The following DRICH1 variants were observed in gnomAD, a reference collection of about 807,000 sequenced individuals.
The protein encoded by DRICH1 is aspartate-rich protein 1.
Under a neutral mutation model 39.5 loss-of-function variants are expected in DRICH1, and 38 were observed. That is an observed-to-expected ratio of 0.96 (90% CI 0.74 to 1.26). The LOEUF (loss-of-function observed/expected upper bound fraction) is 1.26, where lower values mean the gene tolerates loss of function less well. Ranked by LOEUF, DRICH1 falls within the 50% of genes most tolerant of loss-of-function variation. The pLI is 0.00. For synonymous variants in DRICH1, 84 were observed against 99.5 expected (o/e 0.84, Z 0.93); for missense variants, 279 against 270.4 (o/e 1.03, Z -0.22).
the DRICH1 span, among the ~76,000 whole-genome samples, chr22:23,598,922 T>C: frequency 6.6e-6 from 1 of 152,174 alleles, no homozygotes; most frequent in Admixed American, 6.5e-5. Flanking sequence ...TGAGAGGCTC[T>C]GGCCTGAAAG....
At chr22:23,610,595 A>C (rs1470667743) in intron 11 of DRICH1, 1 of 152,008 alleles carries the variant, frequency 6.6e-6, no homozygotes, top group Non-Finnish European at 1.5e-5. Context: ...GCCCGCGGGG[A>C]CTCGTGGTCT....
the DRICH1 span, among the ~76,000 whole-genome samples, chr22:23,585,294 C>T: frequency 6.6e-6 from 1 of 152,236 alleles, no homozygotes; most frequent in Non-Finnish European, 1.5e-5. Flanking sequence ...CATGCCACCA[C>T]ACCTGGCTAA....
chr22:23,613,226 G>T, intron 11 of DRICH1, 63 bp downstream of exon 11: 2 of 1,256,524 alleles, frequency 1.6e-6, no homozygotes, highest in South Asian at 1.2e-5. Flanking sequence ...AAGCAACAGG[G>T]ATAACCTGGA....
chr22:23,616,226 G>C (rs1354593907), intron 8 of DRICH1, among the ~76,000 whole-genome samples: 1 of 152,190 alleles, frequency 6.6e-6, no homozygotes, highest in Non-Finnish European at 1.5e-5. Flanking sequence ...GCCTGTGACA[G>C]AACTCTGTCC....
At chr22:23,611,008 C>T (rs976784595) in intron 11 of DRICH1, among the ~76,000 whole-genome samples, 3 of 151,784 alleles carry the variant, frequency 2.0e-5, no homozygotes, top group Non-Finnish European at 4.4e-5. Flanking sequence ...ACTCATATAA[C>T]CTGTCAGTAA....
At chr22:23,628,728 G>C (rs892957172) in intron 1 of DRICH1, among the ~76,000 whole-genome samples, 1 of 152,200 alleles carries the variant, frequency 6.6e-6, no homozygotes, top group African/African-American at 2.4e-5. Flanking sequence ...GTCTGTGTCT[G>C]TCCTGACCCT....
At chr22:23,608,152 G>T, downstream of DRICH1, 1 of 153,988 alleles carries the variant, frequency 6.5e-6, no homozygotes, top group South Asian at 1.8e-4. Flanking sequence ...GGCCTGCCGA[G>T]AAGTAGGTGG....
chr22:23,620,051 TTAAATAA>T (rs780699991), intron 5 of DRICH1, among the ~76,000 whole-genome samples: 3 of 151,888 alleles, frequency 2.0e-5, no homozygotes, highest in Non-Finnish European at 4.4e-5. Flanking sequence ...AAAATAAACT[TTAAATAA>T]TAAAGCAAGA....
chr22:23,593,399 C>T, the DRICH1 span, among the ~76,000 whole-genome samples: 1 of 152,186 alleles, frequency 6.6e-6, no homozygotes, highest in Non-Finnish European at 1.5e-5. Flanking sequence ...TGCGGTGGCT[C>T]ATGCCTGTAA....
chr22:23,587,162 G>A, the DRICH1 span, among the ~76,000 whole-genome samples: 2 of 152,224 alleles, frequency 1.3e-5, no homozygotes, highest in South Asian at 2.1e-4. Flanking sequence ...GCAGTATCTG[G>A]GGCTGGGATA....
chr22:23,588,497 A>G, the DRICH1 span, among the ~76,000 whole-genome samples: 2 of 152,238 alleles, frequency 1.3e-5, no homozygotes, highest in Non-Finnish European at 2.9e-5. Flanking sequence ...AGAGAAGTGT[A>G]TTCAGAATCT....
the DRICH1 span, among the ~76,000 whole-genome samples, chr22:23,582,555 C>CTTATTATTATTATTATTAA: frequency 7.0e-6 from 1 of 143,872 alleles, no homozygotes; most frequent in Non-Finnish European, 1.5e-5. Flanking sequence ...CCTTCAGGGG[C>CTTATTATTATTATTATTAA]TTATTATTAT....
the DRICH1 span, among the ~76,000 whole-genome samples, chr22:23,591,876 C>A: frequency 6.6e-6 from 1 of 152,198 alleles, no homozygotes; most frequent in African/African-American, 2.4e-5. Context: ...CCAAATTTGG[C>A]CTTCTTCCCT....
At chr22:23,615,605 C>T (rs1019666663) in intron 8 of DRICH1, among the ~76,000 whole-genome samples, 1 of 152,186 alleles carries the variant, frequency 6.6e-6, no homozygotes, top group African/African-American at 2.4e-5. Context: ...TACAGACTCA[C>T]AAGAACTGCT....
the DRICH1 span, among the ~76,000 whole-genome samples, chr22:23,594,326 T>C: frequency 6.6e-6 from 1 of 152,182 alleles, no homozygotes; most frequent in Non-Finnish European, 1.5e-5. Flanking sequence ...CAAAGCACTT[T>C]GGGAGACCAA....
chr22:23,620,268 T>G (rs1927641788), intron 5 of DRICH1, among the ~76,000 whole-genome samples: 1 of 152,152 alleles, frequency 6.6e-6, no homozygotes, highest in African/African-American at 2.4e-5. Context: ...CCTCAAGTCT[T>G]GTTGCCCACC....
chr22:23,625,898 A>C, intron 2 of DRICH1, 83 bp downstream of exon 2: 1 of 1,109,038 alleles, frequency 9.0e-7, no homozygotes, highest in Non-Finnish European at 1.4e-6. Flanking sequence ...CTCTGAGTCC[A>C]TTCTTTGGGT....
intron 4 of DRICH1, 48 bp downstream of exon 4, chr22:23,622,043 C>T (rs1282186763): frequency 6.3e-7 from 1 of 1,593,542 alleles, no homozygotes; most frequent in African/African-American, 1.3e-5. Flanking sequence ...TTGTTTCTCA[C>T]ATCAGAAAAC....
chr22:23,617,925 C>G (rs551572815), intron 6 of DRICH1, among the ~76,000 whole-genome samples: 111 of 152,246 alleles, frequency 7.3e-4, no homozygotes, highest in African/African-American at 2.5e-3. Flanking sequence ...GCCTTCCTCC[C>G]TCTCAAATGT....
Sources: allele counts gnomAD v4.1 joint callset (sites outside exome capture counted in the v4.1 genomes callset), GRCh38; gene constraint gnomAD v4.1.1; transcripts MANE v1.5; gene names NCBI Gene and HGNC (gene_info 2026-07-23, HGNC 2026-07-21).